ALDH18A1: variants seen among roughly 807,000 people sequenced by gnomAD.
ALDH18A1 encodes the protein delta-1-pyrroline-5-carboxylate synthase.
ALDH18A1 carries 44 observed loss-of-function variants against 88.8 expected under a neutral mutation model. The ratio of observed to expected loss-of-function variants is 0.50; its 90% CI spans 0.39 to 0.64. The LOEUF is 0.64. Ranked by LOEUF, ALDH18A1 falls within the 30% of genes least tolerant of loss-of-function variation. ALDH18A1 has a pLI of 0.00. For missense variants in ALDH18A1, 782 were observed against 1,009.5 expected, an observed-to-expected ratio of 0.77 and a Z score of 3.05; for synonymous variants, 331 against 372.1, an observed-to-expected ratio of 0.89 and a Z score of 1.27.
chr10:95,628,861 T>C (rs2097864080), intron 7 of ALDH18A1: 2 of 330,566 alleles, frequency 6.1e-6, no homozygotes, highest in South Asian at 2.7e-5. Context: ...AGGGTGGCTA[T>C]TGCAGAAACA....
chr10:95,629,770 G>C (rs995271609), intron 7 of ALDH18A1, among the ~76,000 whole-genome samples: 1 of 152,018 alleles, frequency 6.6e-6, no homozygotes, highest in Non-Finnish European at 1.5e-5. Flanking sequence ...TTAAAATTCA[G>C]ATACTGTTCT....
chr10:95,633,347 G>A lies in ALDH18A1; in HGVS notation c.717+144C>T. ...GTTGAATGCAACCACGAGTTCAGAA[G>A]AGCTTATGCAGTCACTGCTCCATGA... On this transcript the variant is annotated intron_variant, in intron 6 of 17. Coordinates refer to ENST00000371224, the MANE Select transcript of ALDH18A1 (RefSeq NM_002860.4). The A allele has an allele frequency of 4.8e-6, 5 of 1,040,918 alleles. No homozygotes were observed. In the South Asian group the frequency reaches 6.3e-5, roughly 13 times the overall value. The allele number at this position is 1,040,918 out of a possible 1,614,324, so 64.5% of individuals were successfully genotyped here.
In ALDH18A1 at chr10:95,625,537, T is replaced by C. The variant is rs891876033; in HGVS notation, c.1153-82A>G. ...ACCACAGTTTTTAAACCTACTCTTC[T>C]GAGAGTGCCAGGCCTTGCTCCCACA... On this transcript the variant is annotated intron_variant, in intron 10 of 17. Coordinates refer to ENST00000371224, the MANE Select transcript of ALDH18A1 (RefSeq NM_002860.4). 3.1e-5 allele frequency: 38 copies of C among 1,217,094 alleles called. No homozygotes were observed. In the African/African-American group the frequency reaches 5.4e-4, roughly 17 times the overall value. The allele number at this position is 1,217,094 out of a possible 1,614,324, so 75.4% of individuals were successfully genotyped here. A position where few individuals can be genotyped will look rare whatever the true frequency, so the allele number is the denominator to read the frequency against.
intron 12 of ALDH18A1, among the ~76,000 whole-genome samples, chr10:95,619,127 A>G (rs1468226556): frequency 1.3e-5 from 2 of 152,212 alleles, no homozygotes; most frequent in South Asian, 2.1e-4. Context: ...CAAAAATCAC[A>G]AGCATTCCTA....
At chr10:95,648,903 G>A (rs1230552819) in intron 2 of ALDH18A1, among the ~76,000 whole-genome samples, 4 of 152,198 alleles carry the variant, frequency 2.6e-5, no homozygotes, top group African/African-American at 7.2e-5. Context: ...TTTAAGCTAC[G>A]AAGTTACTTC....
intron 3 of ALDH18A1, among the ~76,000 whole-genome samples, chr10:95,638,050 G>T (rs1373173013): frequency 6.6e-6 from 1 of 152,154 alleles, no homozygotes; most frequent in Non-Finnish European, 1.5e-5. Context: ...GTCTTGCTCT[G>T]TCGCCCAGGC....
intron 10 of ALDH18A1, 52 bp from the exon 11 acceptor site, chr10:95,625,507 T>C: frequency 6.8e-7 from 1 of 1,475,328 alleles, no homozygotes. Context: ...CCAAGAAGAA[T>C]GCACACCACA....
At chr10:95,648,324 TCA>T (rs1265616939) in intron 2 of ALDH18A1, among the ~76,000 whole-genome samples, 1 of 6,414 alleles carries the variant, frequency 1.6e-4, no homozygotes, top group African/African-American at 5.0e-4. Flanking sequence ...TCTACCTTCA[TCA>T]TCATCATCAT....
intron 9 of ALDH18A1, among the ~76,000 whole-genome samples, 182 bp downstream of exon 9, chr10:95,627,260 T>C (rs1047106750): frequency 2.6e-5 from 4 of 152,126 alleles, no homozygotes; most frequent in African/African-American, 9.7e-5. Context: ...TTGCAGAGAA[T>C]AGGTCTAGAT....
Position 95,626,845 on chromosome 10 carries a change from G to C in ALDH18A1, c.1079-69C>G. 2.0e-6 allele frequency: 3 copies of C among 1,516,736 alleles called. No homozygotes were observed. The South Asian group carries it at 3.4e-5, about 17-fold the overall frequency. 94.0% of individuals were successfully genotyped at this position (1,516,736 alleles called of 1,614,324 possible). A position where few individuals can be genotyped will look rare whatever the true frequency, so the allele number is the denominator to read the frequency against. On this transcript the variant is annotated intron_variant, in intron 9 of 17. Coordinates refer to ENST00000371224, the MANE Select transcript of ALDH18A1 (RefSeq NM_002860.4). ...CTCTCTCTAGTTCTACTACTAGAGA[G>C]AGAACTACCAGCACATGCACAAGCT...
chr10:95,629,997 A>G (rs935406839), intron 7 of ALDH18A1, among the ~76,000 whole-genome samples: 1 of 152,018 alleles, frequency 6.6e-6, no homozygotes, highest in East Asian at 1.9e-4. Context: ...TTTTAATTGA[A>G]CAGACTCAGA....
intron 11 of ALDH18A1, 51 bp downstream of exon 11, chr10:95,625,311 A>T (rs746765135): frequency 5.1e-5 from 77 of 1,521,184 alleles, no homozygotes; most frequent in Non-Finnish European, 6.8e-5. Context: ...CTAAAAACCA[A>T]AATAATGCAC....
chr10:95,624,263 G>A (rs1158729786), intron 11 of ALDH18A1, among the ~76,000 whole-genome samples: 1 of 152,238 alleles, frequency 6.6e-6, no homozygotes, highest in East Asian at 1.9e-4. Context: ...CATGTTCAGA[G>A]AGGTATAGCT....
intron 13 of ALDH18A1, 102 bp downstream of exon 13, chr10:95,616,375 G>T: frequency 6.8e-7 from 1 of 1,462,288 alleles, no homozygotes; most frequent in Non-Finnish European, 9.3e-7. Context: ...AAGTCTGCTT[G>T]TAGTAGTGTC....
chr10:95,641,598 T>C (rs2139636865), intron 3 of ALDH18A1, among the ~76,000 whole-genome samples: 1 of 151,976 alleles, frequency 6.6e-6, no homozygotes, highest in South Asian at 2.1e-4. Flanking sequence ...ACTGCAACCT[T>C]GAGCTCCTGG....
At chr10:95,644,352 G>C (rs547914755) in intron 2 of ALDH18A1, among the ~76,000 whole-genome samples, 21 of 152,284 alleles carry the variant, frequency 1.4e-4, no homozygotes, top group African/African-American at 5.1e-4. Flanking sequence ...TTGGACATCT[G>C]CCTCTAACCA....
intron 11 of ALDH18A1, among the ~76,000 whole-genome samples, chr10:95,621,815 T>C (rs2097853108): frequency 6.6e-6 from 1 of 152,206 alleles, no homozygotes; most frequent in South Asian, 2.1e-4. Flanking sequence ...CAGAAAGGCA[T>C]GTAATAAGGA....
At chr10:95,633,346 A>G in intron 6 of ALDH18A1, 145 bp downstream of exon 6, 1 of 1,036,192 alleles carries the variant, frequency 9.7e-7, no homozygotes, top group Non-Finnish European at 1.4e-6. Flanking sequence ...CGAGTTCAGA[A>G]GAGCTTATGC....
chr10:95,628,577 T>A (rs2097863682), intron 7 of ALDH18A1, 85 bp from the exon 8 acceptor site: 1 of 1,521,210 alleles, frequency 6.6e-7, no homozygotes, highest in Non-Finnish European at 9.0e-7. Context: ...CCAATCACTC[T>A]GTACTTTACT....
Sources: allele counts gnomAD v4.1 joint callset (sites outside exome capture counted in the v4.1 genomes callset), GRCh38; gene constraint gnomAD v4.1.1; transcripts MANE v1.5; gene names NCBI Gene and HGNC (gene_info 2026-07-23, HGNC 2026-07-21).